Variants in TLL1 observed in about 807,000 individuals in gnomAD.
The protein encoded by TLL1 is tolloid like 1.
TLL1 carries 49 observed loss-of-function variants against 128.2 expected under a neutral mutation model. The ratio of observed to expected loss-of-function variants is 0.38; its 90% CI spans 0.30 to 0.48. The LOEUF is 0.48. Ranked by LOEUF, TLL1 falls within the 20% of genes least tolerant of loss-of-function variation. The pLI, the probability that TLL1 is intolerant of heterozygous loss-of-function variation, is 0.96. For synonymous variants in TLL1, 454 were observed against 418.8 expected (o/e 1.08, Z -1.03); for missense variants, 1,123 against 1,242.0 (o/e 0.90, Z 1.44).
chr4:165,879,707 C>G (rs1169154483), intron 1 of TLL1, among the ~76,000 whole-genome samples: 1 of 151,972 alleles, frequency 6.6e-6, no homozygotes, highest in African/African-American at 2.4e-5. Context: ...CATTGCACAT[C>G]CTGCTGAGAC....
chr4:166,060,531 A>G (rs1044560969), intron 15 of TLL1, among the ~76,000 whole-genome samples: 4 of 152,224 alleles, frequency 2.6e-5, no homozygotes, highest in African/African-American at 9.6e-5. Flanking sequence ...TGGCTGAGTC[A>G]TAACAAAAAT....
At chr4:166,059,654 A>G (rs1218790296) in intron 14 of TLL1, among the ~76,000 whole-genome samples, 3 of 152,088 alleles carry the variant, frequency 2.0e-5, no homozygotes, top group Admixed American at 2.0e-4. Context: ...CGACAAAAAA[A>G]AAATTTTTTT....
At chr4:165,889,376 G>A (rs927952477) in intron 1 of TLL1, among the ~76,000 whole-genome samples, 1 of 152,184 alleles carries the variant, frequency 6.6e-6, no homozygotes, top group African/African-American at 2.4e-5. Flanking sequence ...TATTCATTCA[G>A]TCCTGTGCAT....
chr4:165,877,393 A>G (rs1730764313), intron 1 of TLL1, among the ~76,000 whole-genome samples: 1 of 152,256 alleles, frequency 6.6e-6, no homozygotes, highest in Non-Finnish European at 1.5e-5. Flanking sequence ...TCAAATGAAT[A>G]TCTGTCTGTC....
intron 19 of TLL1, among the ~76,000 whole-genome samples, chr4:166,096,773 T>G (rs1232457607): frequency 1.3e-5 from 2 of 152,188 alleles, no homozygotes; most frequent in African/African-American, 4.8e-5. Flanking sequence ...TTTAAAAATC[T>G]GTAAATGAGA....
At chr4:166,059,119 T>C (rs934309615) in intron 14 of TLL1, among the ~76,000 whole-genome samples, 8 of 152,064 alleles carry the variant, frequency 5.3e-5, no homozygotes, top group Middle Eastern at 3.4e-3. Context: ...GAAATACTTA[T>C]CTTATCATAA....
At position 166,021,697 on chromosome 4, in the gene TLL1, C is replaced by T. The variant is rs566807922; in HGVS notation, c.1043-3619C>T. ...CCACCCGCCTCGGCCTCGCAAACTG[C>T]TGGGATTACAGGCGTAAGCCACCGC... On this transcript the variant is annotated intron_variant, in intron 8 of 20. Transcript: ENST00000061240. Among the ~76,000 whole-genome samples the T allele has an allele frequency of 2.0e-5, 3 of 152,292 alleles. No homozygotes were observed. The East Asian group carries it at 5.8e-4, about 29-fold the overall frequency.
At chr4:166,075,099 T>G in intron 17 of TLL1, 96 bp downstream of exon 17, 2 of 1,546,294 alleles carry the variant, frequency 1.3e-6, no homozygotes, top group Non-Finnish European at 1.8e-6. Context: ...TTTCAATGAG[T>G]GATATCATGG....
At chr4:166,040,290 T>C (rs1215443199) in intron 10 of TLL1, among the ~76,000 whole-genome samples, 1 of 152,104 alleles carries the variant, frequency 6.6e-6, no homozygotes, top group African/African-American at 2.4e-5. Context: ...ATCCAAGAGA[T>C]CTGTAGAAAT....
At chr4:165,905,420 GA>G (rs1732205554) in intron 1 of TLL1, among the ~76,000 whole-genome samples, 2 of 152,132 alleles carry the variant, frequency 1.3e-5, no homozygotes, top group African/African-American at 4.8e-5. Flanking sequence ...GATTTTAATT[GA>G]ACAAAAATTT....
intron 1 of TLL1, among the ~76,000 whole-genome samples, chr4:165,907,252 TA>T (rs1157372463): frequency 6.6e-6 from 1 of 152,186 alleles, no homozygotes; most frequent in Non-Finnish European, 1.5e-5. Context: ...ACTCAAGCCA[TA>T]TTTTTTTTTG....
chr4:165,970,084 G>A (rs1461531853), intron 1 of TLL1, among the ~76,000 whole-genome samples: 2 of 152,106 alleles, frequency 1.3e-5, no homozygotes, highest in Non-Finnish European at 1.5e-5. Flanking sequence ...TAAACATTGA[G>A]CTTTAATGAG....
chr4:165,905,647 C>T (rs1431305777), intron 1 of TLL1, among the ~76,000 whole-genome samples: 2 of 152,114 alleles, frequency 1.3e-5, no homozygotes, highest in Non-Finnish European at 2.9e-5. Flanking sequence ...GCTTGCACCT[C>T]CTCCCTGGAA....
chr4:165,904,117 C>T (rs1483196986), intron 1 of TLL1, among the ~76,000 whole-genome samples: 2 of 151,876 alleles, frequency 1.3e-5, no homozygotes, highest in Admixed American at 6.6e-5. Flanking sequence ...ATGTTACAGT[C>T]GAGTTTTCCT....
chr4:165,908,341 G>A (rs891952134), intron 1 of TLL1, among the ~76,000 whole-genome samples: 3 of 152,092 alleles, frequency 2.0e-5, no homozygotes, highest in Non-Finnish European at 2.9e-5. Context: ...TGTCATCCCA[G>A]CACTTTGGGA....
chr4:166,054,795 G>A (rs1739925208), intron 12 of TLL1, among the ~76,000 whole-genome samples: 1 of 151,798 alleles, frequency 6.6e-6, no homozygotes, highest in South Asian at 2.1e-4. Flanking sequence ...TCTACTTGTA[G>A]TTTAATTTTC....
rs559725373 is a variant in TLL1 at position 165,999,707 on chromosome 4, C to T, written c.633-3684C>T. Among the ~76,000 whole-genome samples the T allele has an allele frequency of 4.0e-5, 6 of 151,544 alleles. No homozygotes were observed. In the East Asian group the frequency reaches 9.7e-4, roughly 24 times the overall value. On this transcript the variant is annotated intron_variant, in intron 5 of 20. Transcript: ENST00000061240. ...CAGGCTGGTCTCAAACTCTTGGGCT[C>T]AAGTGATCCACCTGCCTCAGCCTCC...
chr4:166,057,714 CA>C (rs1016696863), intron 14 of TLL1, among the ~76,000 whole-genome samples: 23 of 152,146 alleles, frequency 1.5e-4, no homozygotes, highest in Non-Finnish European at 3.2e-4. Flanking sequence ...AAAAGAAGAG[CA>C]AAGGCACGTC....
At chr4:165,988,266 A>G (rs1736475747) in intron 1 of TLL1, among the ~76,000 whole-genome samples, 1 of 152,080 alleles carries the variant, frequency 6.6e-6, no homozygotes, top group Non-Finnish European at 1.5e-5. Context: ...TGGTTTCACA[A>G]TGGTTTATAG....
Sources: gnomAD v4.1 joint callset for allele counts (sites outside exome capture counted in the v4.1 genomes callset) on GRCh38, gnomAD v4.1.1 for gene constraint, MANE v1.5 for transcripts, NCBI Gene and HGNC (gene_info 2026-07-23, HGNC 2026-07-21) for gene names.